CSNK1G3: variants seen among roughly 807,000 people sequenced by gnomAD.
CSNK1G3 encodes the protein casein kinase I isoform gamma-3.
CSNK1G3 carries 23 observed loss-of-function variants against 64.3 expected under a neutral mutation model. The ratio of observed to expected loss-of-function variants is 0.36; its 90% CI spans 0.26 to 0.51. The LOEUF (loss-of-function observed/expected upper bound fraction) is 0.51, where lower values mean the gene tolerates loss of function less well. Among genes scored for constraint, CSNK1G3 ranks in the 20% least tolerant of loss-of-function variants. CSNK1G3 has a pLI of 0.96. For synonymous variants in CSNK1G3, 158 were observed against 162.2 expected (o/e 0.97, Z 0.20); for missense variants, 357 against 510.5 (o/e 0.70, Z 2.90).
chr5:123,559,665 T>C (rs1033225135), intron 4 of CSNK1G3, among the ~76,000 whole-genome samples: 4 of 151,844 alleles, frequency 2.6e-5, no homozygotes, highest in Non-Finnish European at 5.9e-5. Context: ...TTTTTTAGTA[T>C]TTTGTACGAG....
chr5:123,591,350 C>A (rs1361384377), exon 10 of CSNK1G3: 1 of 1,609,854 alleles, frequency 6.2e-7, no homozygotes, highest in East Asian at 2.2e-5. Flanking sequence ...CAGCAAGATC[C>A]TGCTCTGTCA....
chr5:123,526,540 AAC>A (rs1580895092), intron 1 of CSNK1G3, among the ~76,000 whole-genome samples: 1 of 152,134 alleles, frequency 6.6e-6, no homozygotes, highest in African/African-American at 2.4e-5. Flanking sequence ...AAAACACAAA[AAC>A]AGTTCTATCA....
chr5:123,599,470 AC>A (rs1311450331), intron 10 of CSNK1G3, among the ~76,000 whole-genome samples: 1 of 152,246 alleles, frequency 6.6e-6, no homozygotes, highest in Non-Finnish European at 1.5e-5. Flanking sequence ...ACAAATAAAT[AC>A]AGTTGGTGAT....
chr5:123,520,946 G>A (rs991820576), intron 1 of CSNK1G3, among the ~76,000 whole-genome samples: 9 of 151,712 alleles, frequency 5.9e-5, no homozygotes. Flanking sequence ...TTATATTCTA[G>A]CAATGAATAC....
At chr5:123,526,726 A>G (rs1017612211) in intron 1 of CSNK1G3, among the ~76,000 whole-genome samples, 1 of 152,076 alleles carries the variant, frequency 6.6e-6, no homozygotes, top group African/African-American at 2.4e-5. Context: ...AATCATCTAT[A>G]TTGTAGCGAG....
At chr5:123,525,602 T>C (rs1464411775) in intron 1 of CSNK1G3, among the ~76,000 whole-genome samples, 2 of 152,098 alleles carry the variant, frequency 1.3e-5, no homozygotes, top group African/African-American at 4.8e-5. Flanking sequence ...GCAGTTTGCA[T>C]TGTTACAGTT....
intron 1 of CSNK1G3, among the ~76,000 whole-genome samples, chr5:123,524,688 T>C (rs1313362279): frequency 2.6e-5 from 4 of 152,202 alleles, no homozygotes; most frequent in Non-Finnish European, 5.9e-5. Flanking sequence ...CTTATAGTTA[T>C]CGTATTCTGT....
At chr5:123,597,473 C>T (rs2151061183) in intron 10 of CSNK1G3, among the ~76,000 whole-genome samples, 1 of 152,154 alleles carries the variant, frequency 6.6e-6, no homozygotes, top group Non-Finnish European at 1.5e-5. Flanking sequence ...GGCTTTCACT[C>T]CTCACTATCA....
chr5:123,532,297 TCTC>T (rs1167989560), intron 1 of CSNK1G3, among the ~76,000 whole-genome samples: 1 of 151,910 alleles, frequency 6.6e-6, no homozygotes, highest in Non-Finnish European at 1.5e-5. Flanking sequence ...TCATTTTACT[TCTC>T]TGCTGATTTT....
chr5:123,568,214 A>T (rs573595281), intron 4 of CSNK1G3, among the ~76,000 whole-genome samples: 1 of 152,144 alleles, frequency 6.6e-6, no homozygotes, highest in African/African-American at 2.4e-5. Flanking sequence ...TTTGCTGAGG[A>T]TACTTCTCAG....
At chr5:123,601,816 G>C (rs1488720239) in intron 10 of CSNK1G3, among the ~76,000 whole-genome samples, 1 of 152,060 alleles carries the variant, frequency 6.6e-6, no homozygotes. Flanking sequence ...GAAACCTGTT[G>C]AATAGTATGT....
At chr5:123,596,399 G>A (rs575453272) in intron 10 of CSNK1G3, among the ~76,000 whole-genome samples, 11 of 152,206 alleles carry the variant, frequency 7.2e-5, no homozygotes, top group African/African-American at 2.4e-4. Context: ...GTATGTATCT[G>A]TATATGTTTA....
At chr5:123,594,679 A>G (rs1268500947) in intron 10 of CSNK1G3, among the ~76,000 whole-genome samples, 2 of 152,108 alleles carry the variant, frequency 1.3e-5, no homozygotes, top group Non-Finnish European at 2.9e-5. Context: ...TAGTGGGTGG[A>G]CTTCTAGTGT....
chr5:123,517,564 G>A (rs1004674791), intron 1 of CSNK1G3, among the ~76,000 whole-genome samples: 2 of 152,182 alleles, frequency 1.3e-5, no homozygotes, highest in Middle Eastern at 6.8e-3. Flanking sequence ...AAAAAAATCT[G>A]CAATAATATT....
At chr5:123,541,223 A>G (rs1781624020) in intron 1 of CSNK1G3, among the ~76,000 whole-genome samples, 1 of 152,024 alleles carries the variant, frequency 6.6e-6, no homozygotes, top group African/African-American at 2.4e-5. Context: ...CGTTTTGCTC[A>G]TTCATATTTA....
At chr5:123,552,971 A>T in intron 2 of CSNK1G3, 136 bp from the exon 3 acceptor site, 1 of 472,120 alleles carries the variant, frequency 2.1e-6, no homozygotes. Flanking sequence ...TTCCTTGTTA[A>T]GTTTTTTTGC....
At chr5:123,527,001 A>G (rs900623243) in intron 1 of CSNK1G3, among the ~76,000 whole-genome samples, 21 of 152,180 alleles carry the variant, frequency 1.4e-4, no homozygotes, top group African/African-American at 4.8e-4. Flanking sequence ...TGGCAGTACC[A>G]TTTTTATTCC....
chr5:123,528,356 T>TGA, intron 1 of CSNK1G3, among the ~76,000 whole-genome samples: 2 of 152,278 alleles, frequency 1.3e-5, no homozygotes, highest in East Asian at 3.9e-4. Flanking sequence ...TCATATAAAT[T>TGA]AACATTCTTA....
At chr5:123,561,069 G>A (rs149712626) in intron 4 of CSNK1G3, among the ~76,000 whole-genome samples, 3 of 152,218 alleles carry the variant, frequency 2.0e-5, no homozygotes, top group South Asian at 2.1e-4. Flanking sequence ...GGTTTTGCCC[G>A]TTTGGGTTTT....
Sources: gnomAD v4.1 joint callset for allele counts (sites outside exome capture counted in the v4.1 genomes callset) on GRCh38, gnomAD v4.1.1 for gene constraint, MANE v1.5 for transcripts, NCBI Gene and HGNC (gene_info 2026-07-23, HGNC 2026-07-21) for gene names.